The following SLC29A1 variants were observed in gnomAD, a reference collection of about 807,000 sequenced individuals.
SLC29A1 encodes the protein equilibrative nucleoside transporter 1.
SLC29A1 carries 22 observed loss-of-function variants against 48.3 expected under a neutral mutation model. That is an observed-to-expected ratio of 0.46 (90% CI 0.33 to 0.65). The LOEUF (loss-of-function observed/expected upper bound fraction) is 0.65. SLC29A1 is among the 30% of genes least tolerant of loss of function. The pLI is 0.03. For missense variants in SLC29A1, 491 were observed against 575.3 expected, an observed-to-expected ratio of 0.85 and a Z score of 1.50; for synonymous variants, 228 against 231.0, an observed-to-expected ratio of 0.99 and a Z score of 0.12.
At chr6:44,219,808 T>C (rs1166385287), upstream of SLC29A1, 1 of 173,344 alleles carries the variant, frequency 5.8e-6, no homozygotes, top group Non-Finnish European at 1.1e-5. Flanking sequence ...CCGGGGGGCC[T>C]GGCGGGGCGG....
At chr6:44,221,705 C>T (rs1776446628), upstream of SLC29A1, 1 of 1,246,830 alleles carries the variant, frequency 8.0e-7, no homozygotes, top group Non-Finnish European at 1.1e-6. The surrounding 1 kb of genome is among the most constrained non-coding windows in gnomAD (Gnocchi z 4.2). Flanking sequence ...GGCTCCCAGG[C>T]TGTCCAGCAG....
chr6:44,222,064 A>C (rs1043371968), upstream of SLC29A1, among the ~76,000 whole-genome samples: 3 of 152,082 alleles, frequency 2.0e-5, no homozygotes, highest in Non-Finnish European at 4.4e-5. Context: ...GAGGGTGGGG[A>C]GCGAGGAAGG....
rs371913892 is a variant in SLC29A1, at chr6:44,230,489, C to T, written c.589+8C>T. 1.7e-5 allele frequency: 28 copies of T among 1,613,556 alleles called. No individual in the cohort carries two copies. The African/African-American group carries it at 2.7e-4, about 15-fold the overall frequency. ...TGATCTGCGCTATTGCCAGTAAGTC[C>T]GGCTATCTACCTGCCCAGTGCCCTG... On this transcript the variant is annotated splice_region_variant and intron_variant, in intron 6 of 12. Coordinates refer to ENST00000371755, the MANE Select transcript of SLC29A1 (RefSeq NM_001372327.1).
At chr6:44,230,193 T>C (rs1358734936) in intron 5 of SLC29A1, 147 bp downstream of exon 5, 7 of 1,465,404 alleles carry the variant, frequency 4.8e-6, no homozygotes, top group Non-Finnish European at 6.6e-6. Context: ...GAGGCCTGAG[T>C]GGGCCTGGAC....
At chr6:44,221,671 C>T (rs777501844), upstream of SLC29A1, 2 of 1,288,634 alleles carry the variant, frequency 1.6e-6, no homozygotes, top group Admixed American at 4.6e-5. This position sits in a 1 kb window ranked among gnomAD's most constrained non-coding sequence, Gnocchi z 4.2. Flanking sequence ...TAGAAAAACT[C>T]CAGGCAAGGC....
chr6:44,230,944 G>A (rs1351329282), intron 8 of SLC29A1, 55 bp downstream of exon 8: 41 of 1,355,036 alleles, frequency 3.0e-5, no homozygotes, highest in Admixed American at 5.0e-5. Context: ...GCGGGGGATA[G>A]CATGAGCAAA....
chr6:44,233,816 T>C lies in SLC29A1; in HGVS notation c.*288T>C, dbSNP rs1779397659. ...ACTGATCCCTGCTTGTGCAGGCCAG[T>C]GGAGGCTCTTGGGCTTGGAGAACAC... is the stretch of plus-strand genomic sequence containing the variant. On this transcript the variant is annotated 3_prime_UTR_variant, in exon 13 of 13. Coordinates refer to ENST00000371755, the MANE Select transcript of SLC29A1 (RefSeq NM_001372327.1). 1 of 453,164 alleles carries C rather than the reference T, an allele frequency of 2.2e-6. No homozygotes were observed. Among genetic ancestry groups the C allele is most frequent in the African/African-American group, 2.0e-5 (1 of 50,622 alleles). The allele number at this position is 453,164 out of a possible 1,614,324, so 28.1% of individuals were successfully genotyped here.
At position 44,223,650 on chromosome 6, in the gene SLC29A1, C is replaced by T. The variant is rs566098876; in HGVS notation, c.-52+9C>T. On this transcript the variant is annotated intron_variant, in intron 1 of 12. Transcript: ENST00000371755. This position sits in a 1 kb window ranked among gnomAD's most constrained non-coding sequence, Gnocchi z 5.0. ...CAGTGCTTCTGCGGCAGGTGCTGCCCGGGGCCGGGGACTGGGGACTGGGGA... is the reference window on the plus strand; with the variant it reads ...CAGTGCTTCTGCGGCAGGTGCTGCCTGGGGCCGGGGACTGGGGACTGGGGA... The T allele has an allele frequency of 2.4e-5, 29 of 1,199,230 alleles. No individual in the cohort carries two copies. In the South Asian group the frequency reaches 3.1e-4, roughly 13 times the overall value. 74.3% of individuals were successfully genotyped at this position (1,199,230 alleles called of 1,614,324 possible). A position where few individuals can be genotyped will look rare whatever the true frequency, so the allele number is the denominator to read the frequency against.
At position 44,233,400 on chromosome 6, in the gene SLC29A1, C is replaced by T; in HGVS notation, c.1260-17C>T. The T allele has an allele frequency of 6.2e-7, 1 of 1,605,954 alleles. No individual in the cohort carries two copies. ...ACAGCCATTCTGAGGTAGCCTTGCC[C>T]TTCCTTCCCCGCTTAGGAAAGTGAA... On this transcript the variant is annotated splice_polypyrimidine_tract_variant and intron_variant, in intron 12 of 12. Transcript: ENST00000371755.
chr6:44,233,668 A>G lies in SLC29A1; in HGVS notation c.*140A>G, dbSNP rs1779379314. On this transcript the variant is annotated 3_prime_UTR_variant, in exon 13 of 13. Coordinates refer to ENST00000371755, the MANE Select transcript of SLC29A1 (RefSeq NM_001372327.1). ...TTTCCACGGCGTGTGCTGGGCCCGG[A>G]TCTCCAGGCCCTGGGGAGGGAGCCT... 33 of 680,482 alleles carry G rather than the reference A, an allele frequency of 4.8e-5. No individual in the cohort carries two copies. The South Asian group carries it at 5.8e-4, about 12-fold the overall frequency. 42.2% of individuals were successfully genotyped at this position (680,482 alleles called of 1,614,324 possible). A position where few individuals can be genotyped will look rare whatever the true frequency, so the allele number is the denominator to read the frequency against.
chr6:44,227,243 A>G lies in SLC29A1; in HGVS notation c.-51-20A>G. On this transcript the variant is annotated intron_variant, in intron 1 of 12. Coordinates refer to ENST00000371755, the MANE Select transcript of SLC29A1 (RefSeq NM_001372327.1). ...TGGCAGGGCCAAGACAGGGCCTCAC[A>G]CTGTTCCTGCCCCCAGCAGGCCCCT... The G allele has an allele frequency of 6.2e-7, 1 of 1,608,144 alleles. No individual in the cohort carries two copies. The highest frequency in any genetic ancestry group is 8.5e-7 in the Non-Finnish European group (1 of 1,176,306).
At chr6:44,221,407 G>A (rs915885710), upstream of SLC29A1, among the ~76,000 whole-genome samples, 7 of 152,236 alleles carry the variant, frequency 4.6e-5, no homozygotes, top group African/African-American at 1.7e-4. This position sits in a 1 kb window ranked among gnomAD's most constrained non-coding sequence, Gnocchi z 4.2. Context: ...GTTGGTGACA[G>A]CTGAGAGGAC....
chr6:44,222,548 A>G (rs1776569959), upstream of SLC29A1, among the ~76,000 whole-genome samples: 1 of 151,628 alleles, frequency 6.6e-6, no homozygotes, highest in Admixed American at 6.6e-5. Context: ...CGTGGGTTGG[A>G]TTTTCTCCTC....
Position 44,223,971 on chromosome 6 carries a change from G to A in SLC29A1, c.-52+330G>A. 2.0e-6 allele frequency: 2 copies of A among 984,610 alleles called. No individual in the cohort carries two copies. Among genetic ancestry groups the A allele is most frequent in the Non-Finnish European group, 1.2e-6 (1 of 829,252 alleles). The allele number at this position is 984,610 out of a possible 1,614,324, so 61.0% of individuals were successfully genotyped here. A position where few individuals can be genotyped will look rare whatever the true frequency, so the allele number is the denominator to read the frequency against. On this transcript the variant is annotated intron_variant, in intron 1 of 12. Coordinates refer to ENST00000371755, the MANE Select transcript of SLC29A1 (RefSeq NM_001372327.1). This position sits in a 1 kb window ranked among gnomAD's most constrained non-coding sequence, Gnocchi z 5.0. Reference sequence around the variant, plus strand: ...CATCGATCTGGTCGGTATCAGGGAGGGGCCGTGCCGCTGACTGCGCTGGCG... The same window carrying A: ...CATCGATCTGGTCGGTATCAGGGAGAGGCCGTGCCGCTGACTGCGCTGGCG...
chr6:44,232,162 G>A lies in SLC29A1; in HGVS notation c.973+56G>A, dbSNP rs1779040178. ...ACAGACAGGATCTTGAGTTGGGCTG[G>A]AAGTGGGGAAGGGAGGGAGCCTGGG... is the stretch of plus-strand genomic sequence containing the variant. On this transcript the variant is annotated intron_variant, in intron 10 of 12. Coordinates refer to ENST00000371755, the MANE Select transcript of SLC29A1 (RefSeq NM_001372327.1). This position sits in a 1 kb window ranked among gnomAD's most constrained non-coding sequence, Gnocchi z 4.7. 7.0e-7 allele frequency: 1 copy of A among 1,421,422 alleles called. No individual in the cohort carries two copies. The highest frequency in any genetic ancestry group is 9.9e-7 in the Non-Finnish European group (1 of 1,005,162). 88.1% of individuals were successfully genotyped at this position (1,421,422 alleles called of 1,614,324 possible).
At chr6:44,227,371 CCAGGGAATGGGTTTT>C (rs1289905937) in intron 2 of SLC29A1, 29 bp downstream of exon 2, 2 of 1,589,054 alleles carry the variant, frequency 1.3e-6, no homozygotes, top group Non-Finnish European at 1.7e-6. Context: ...GGCTGTGGAT[CCAGGGAATGGGTTTT>C]CAGGGAGCTG....
In SLC29A1 at chr6:44,229,334, T is replaced by C. The variant is rs1561880936; in HGVS notation, c.30-56T>C. On this transcript the variant is annotated intron_variant, in intron 2 of 12. Transcript: ENST00000371755. This position sits in a 1 kb window ranked among gnomAD's most constrained non-coding sequence, Gnocchi z 5.1. Reference sequence around the variant, plus strand: ...GGACAGGGGCTTTCCTGGGGCTCATTGTGGAGTGGGGCAGGATGGTGCGTC... The same window carrying C: ...GGACAGGGGCTTTCCTGGGGCTCATCGTGGAGTGGGGCAGGATGGTGCGTC... 5 of 1,359,042 alleles carry C rather than the reference T, an allele frequency of 3.7e-6. No individual in the cohort carries two copies. The highest frequency in any genetic ancestry group is 4.2e-6 in the Non-Finnish European group (4 of 946,880). 84.2% of individuals were successfully genotyped at this position (1,359,042 alleles called of 1,614,324 possible).
At chr6:44,230,291 G>A in intron 5 of SLC29A1, 56 bp from the exon 6 acceptor site, 1 of 1,583,386 alleles carries the variant, frequency 6.3e-7, no homozygotes, top group Non-Finnish European at 8.6e-7. Context: ...TGTCTTCTTG[G>A]GCACCCCCAA....
At position 44,223,844 on chromosome 6, in the gene SLC29A1, G is replaced by C; in HGVS notation, c.-52+203G>C. On this transcript the variant is annotated intron_variant, in intron 1 of 12. Coordinates refer to ENST00000371755, the MANE Select transcript of SLC29A1 (RefSeq NM_001372327.1). The surrounding 1 kb of genome is among the most constrained non-coding windows in gnomAD (Gnocchi z 5.0). ...CCAGGGAGCCTGAGGACCCTGCGGG[G>C]ACCGGGACCCAAGCTGGGCGGGGCG... is the stretch of plus-strand genomic sequence containing the variant. 3 of 999,488 alleles carry C rather than the reference G, an allele frequency of 3.0e-6. No homozygotes were observed. Among genetic ancestry groups the C allele is most frequent in the Non-Finnish European group, 3.6e-6 (3 of 838,820 alleles). 61.9% of individuals were successfully genotyped at this position (999,488 alleles called of 1,614,324 possible).
Sources: allele counts gnomAD v4.1 joint callset (sites outside exome capture counted in the v4.1 genomes callset), GRCh38; gene constraint gnomAD v4.1.1; non-coding constraint Gnocchi (gnomAD v3.1); transcripts MANE v1.5; gene names NCBI Gene and HGNC (gene_info 2026-07-23, HGNC 2026-07-21).